Variants in LRP5 observed in about 807,000 individuals in gnomAD.
LRP5 encodes the protein low-density lipoprotein receptor-related protein 5.
Under a neutral mutation model 154.1 loss-of-function variants are expected in LRP5, and 62 were observed. The ratio of observed to expected loss-of-function variants is 0.40; its 90% CI spans 0.33 to 0.50. LRP5 has a LOEUF of 0.50. Among genes scored for constraint, LRP5 ranks in the 20% least tolerant of loss-of-function variants. The probability of loss-of-function intolerance (pLI) is 0.55; values close to 1 mark genes in which losing one functional copy is unlikely to be tolerated. For synonymous variants in LRP5, 966 were observed against 1,011.5 expected, an observed-to-expected ratio of 0.96 and a Z score of 0.85; for missense variants, 1,915 against 2,336.7, an observed-to-expected ratio of 0.82 and a Z score of 3.72.
At chr11:68,367,581 G>A (rs2098631767) in intron 5 of LRP5, among the ~76,000 whole-genome samples, 1 of 152,226 alleles carries the variant, frequency 6.6e-6, no homozygotes, top group African/African-American at 2.4e-5. Context: ...TTTCCTGCCT[G>A]TCTGTTGGTG....
chr11:68,346,068 T>G (rs2153128299), intron 1 of LRP5, among the ~76,000 whole-genome samples: 1 of 152,350 alleles, frequency 6.6e-6, no homozygotes, highest in Admixed American at 6.5e-5. Flanking sequence ...TCATGGATAT[T>G]AATCTCTTAG....
chr11:68,444,512 A>G (rs529037958), intron 21 of LRP5, among the ~76,000 whole-genome samples: 1 of 150,594 alleles, frequency 6.6e-6, no homozygotes, highest in East Asian at 2.0e-4. Context: ...AGCGAGACTC[A>G]GTCAAAACAA....
chr11:68,385,889 G>T (rs1229659210), intron 5 of LRP5, among the ~76,000 whole-genome samples: 1 of 152,096 alleles, frequency 6.6e-6, no homozygotes, highest in Non-Finnish European at 1.5e-5. Flanking sequence ...TGCTGGGGAC[G>T]CTGAGCAGCA....
intron 17 of LRP5, among the ~76,000 whole-genome samples, chr11:68,431,736 G>A (rs1157207605): frequency 6.6e-6 from 1 of 152,174 alleles, no homozygotes; most frequent in Non-Finnish European, 1.5e-5. Context: ...AGGTGGATTT[G>A]CAACCCAACG....
chr11:68,345,979 T>C (rs2098612575), intron 1 of LRP5, among the ~76,000 whole-genome samples: 2 of 152,232 alleles, frequency 1.3e-5, no homozygotes, highest in African/African-American at 4.8e-5. Flanking sequence ...TTTGGAGAAA[T>C]GTCTGTTCAA....
At chr11:68,326,508 C>T (rs2098599779) in intron 1 of LRP5, among the ~76,000 whole-genome samples, 1 of 152,262 alleles carries the variant, frequency 6.6e-6, no homozygotes, top group African/African-American at 2.4e-5. Context: ...CACCCGTCTT[C>T]CCTCGCCCTG....
chr11:68,403,609 G>A lies in LRP5; in HGVS notation c.1711G>A (p.Val571Met). The A allele has an allele frequency of 6.2e-7, 1 of 1,614,216 alleles. No individual in the cohort carries two copies. The highest frequency in any genetic ancestry group is 8.5e-7 in the Non-Finnish European group (1 of 1,180,056). ...CTGGCAGCGCCGCAGCATCGAGCGG[G>A]TGCACAAGGTCAAGGCCAGCCGGGA... is the stretch of plus-strand genomic sequence containing the variant. ...TDWQRRSIERVHKVKASRDVI... is the reference protein window; with the variant it reads ...TDWQRRSIERMHKVKASRDVI... The change falls in exon 8 of 23, where the codon GTG becomes ATG. Residue 571 changes from valine (V) to methionine (M), a missense_variant. Val to Met is a conservative substitution (Grantham distance 21). Transcript: ENST00000294304.
chr11:68,347,956 A>G lies in LRP5; in HGVS notation c.201A>G (p.Ala67=), dbSNP rs540291726. Residue 67 remains alanine (A), a synonymous_variant, in exon 2 of 23, where the codon GCA becomes GCG. Transcript: ENST00000294304. ...TCAGCGGCCTGGAGGATGCGGCCGCAGTGGACTTCCAGTTTTCCAAGGGAG... is the reference window on the plus strand; with the variant it reads ...TCAGCGGCCTGGAGGATGCGGCCGCGGTGGACTTCCAGTTTTCCAAGGGAG... ...IVVSGLEDAA[A]VDFQFSKGAV... 3.1e-6 allele frequency: 5 copies of G among 1,614,006 alleles called. No individual in the cohort carries two copies. In the South Asian group the frequency reaches 5.5e-5, roughly 18 times the overall value.
intron 1 of LRP5, among the ~76,000 whole-genome samples, chr11:68,333,810 C>G (rs1161013934): frequency 1.3e-5 from 2 of 152,108 alleles, no homozygotes; most frequent in Non-Finnish European, 2.9e-5. Context: ...AGTAGATGTT[C>G]ACGGATAGGA....
At position 68,331,764 on chromosome 11, in the gene LRP5, TG is replaced by T. The variant is rs2098602925; in HGVS notation, c.92-16082del. On this transcript the variant is annotated intron_variant, in intron 1 of 22. Transcript: ENST00000294304. ...TGGGCTGTGTGTGTGTGTGTGTGTG[TG>T]TGTGTGTGTTTGAGTGTGCAAGTGT... 2.0e-5 allele frequency among the ~76,000 whole-genome samples: 3 copies of T among 151,824 alleles called. No individual in the cohort carries two copies. In the South Asian group the frequency reaches 6.3e-4, roughly 32 times the overall value.
At chr11:68,424,538 C>T (rs931044083) in intron 14 of LRP5, among the ~76,000 whole-genome samples, 1 of 152,214 alleles carries the variant, frequency 6.6e-6, no homozygotes, top group African/African-American at 2.4e-5. Context: ...GCCAGGGCTC[C>T]GGGGTCCTTA....
chr11:68,417,672 C>A (rs942032732), intron 13 of LRP5, among the ~76,000 whole-genome samples: 11 of 151,926 alleles, frequency 7.2e-5, no homozygotes, highest in Non-Finnish European at 1.6e-4. Flanking sequence ...CGGTGGCTCA[C>A]ACCTGTAATC....
intron 7 of LRP5, among the ~76,000 whole-genome samples, chr11:68,397,875 G>T (rs554424368): frequency 2.0e-5 from 3 of 152,050 alleles, no homozygotes; most frequent in Non-Finnish European, 4.4e-5. Flanking sequence ...CACTTACAGC[G>T]GGAGTGATGG....
At chr11:68,383,864 C>T (rs541648400) in intron 5 of LRP5, among the ~76,000 whole-genome samples, 1 of 152,268 alleles carries the variant, frequency 6.6e-6, no homozygotes, top group South Asian at 2.1e-4. Flanking sequence ...CCTTGAAGGA[C>T]AGGTCCATTG....
At chr11:68,371,097 C>T (rs1369983424) in intron 5 of LRP5, among the ~76,000 whole-genome samples, 2 of 152,122 alleles carry the variant, frequency 1.3e-5, no homozygotes, top group African/African-American at 2.4e-5. Flanking sequence ...CGTCTCCCTG[C>T]CCTGGGCCCT....
Position 68,413,075 on chromosome 11 carries a change from C to T in LRP5, c.2504-614C>T, listed in dbSNP as rs1018155690. 9 of 189,248 alleles carry T rather than the reference C, an allele frequency of 4.8e-5. No homozygotes were observed. The highest frequency in any genetic ancestry group is 2.1e-4 in the African/African-American group (9 of 42,610). The allele number at this position is 189,248 out of a possible 1,614,324, so 11.7% of individuals were successfully genotyped here. ...TTTGCACGTGACTTCGTGACCGTCA[C>T]CCAGCTCTGCAGCACATCCCGTGAC... On this transcript the variant is annotated intron_variant, in intron 11 of 22. Coordinates refer to ENST00000294304, the MANE Select transcript of LRP5 (RefSeq NM_002335.4). The surrounding 1 kb of genome is among the most constrained non-coding windows in gnomAD (Gnocchi z 5.1).
intron 2 of LRP5, among the ~76,000 whole-genome samples, chr11:68,351,486 A>T (rs2153132168): frequency 6.6e-6 from 1 of 152,264 alleles, no homozygotes; most frequent in South Asian, 2.1e-4. Context: ...GAGAGGCTGA[A>T]GATAGCAGCT....
chr11:68,431,294 C>T (rs2098671777), intron 17 of LRP5, among the ~76,000 whole-genome samples: 1 of 134,424 alleles, frequency 7.4e-6, no homozygotes, highest in Non-Finnish European at 1.5e-5. Flanking sequence ...GGCTGAAGTG[C>T]AGTGGTGTGA....
rs773784389 is a variant in LRP5 at position 68,411,602 on chromosome 11, G to A, written c.2485G>A (p.Glu829Lys). 4 of 1,612,124 alleles carry A rather than the reference G, an allele frequency of 2.5e-6. No individual in the cohort carries two copies. Among genetic ancestry groups the A allele is most frequent in the South Asian group, 1.1e-5 (1 of 91,062 alleles). ...GACCGACCTGGACACCAACATGATC[G>A]AGTCGTCCAACATGCTGGGTGAGGG... ...YWTDLDTNMI[E>K]SSNMLGQERV... is the part of the protein sequence containing the mutation. The change falls in exon 11 of 23, where the codon GAG becomes AAG. Residue 829 changes from glutamate (E) to lysine (K), a missense_variant. Around this residue, in one of 3 missense-constraint regions of LRP5, gnomAD observed 1,094 missense variants for 1,210.1 expected, o/e 0.90. Transcript: ENST00000294304.
Sources: allele counts gnomAD v4.1 joint callset (sites outside exome capture counted in the v4.1 genomes callset), GRCh38; gene constraint gnomAD v4.1.1; regional missense constraint gnomAD v4.1.1; non-coding constraint Gnocchi (gnomAD v3.1); transcripts MANE v1.5; gene names NCBI Gene and HGNC (gene_info 2026-07-23, HGNC 2026-07-21).